Variants in STYXL1 observed in about 807,000 individuals in gnomAD.
STYXL1 encodes serine/threonine/tyrosine-interacting-like protein 1.
A neutral mutation model predicts 36.4 loss-of-function variants in STYXL1; 32 were observed. The observed-to-expected ratio is 0.88, with a 90% confidence interval of 0.66 to 1.18. The LOEUF is 1.18. Ranked by LOEUF, STYXL1 falls within the 50% of genes most tolerant of loss-of-function variation. STYXL1 has a pLI of 0.00. For missense variants in STYXL1, 354 were observed against 394.1 expected (o/e 0.90, Z 0.86); for synonymous variants, 133 against 144.1 (o/e 0.92, Z 0.55).
Position 76,021,928 on chromosome 7 carries a change from T to C in STYXL1, c.230A>G (p.Tyr77Cys), listed in dbSNP as rs1794125582. 5 of 1,613,312 alleles carry C rather than the reference T, an allele frequency of 3.1e-6. No homozygotes were observed. The highest frequency in any genetic ancestry group is 3.4e-6 in the Non-Finnish European group (4 of 1,180,008). ...DLECVKYCVVYDNNSSTLEIL... is the reference protein window; with the variant it reads ...DLECVKYCVVCDNNSSTLEIL... Reference sequence around the variant, plus strand: ...CTCCAGGGTGCTGCTGTTGTTATCATACACCACGCAGTACTTCACACACTC... The same window carrying C: ...CTCCAGGGTGCTGCTGTTGTTATCACACACCACGCAGTACTTCACACACTC... The change falls in exon 4 of 9, where the codon TAT becomes TGT. Residue 77 changes from tyrosine to cysteine, a missense_variant. By Grantham distance (194) the Tyr-to-Cys change is radical. Coordinates refer to ENST00000359697, the MANE Select transcript of STYXL1 (RefSeq NM_001317785.2).
intron 1 of STYXL1, among the ~76,000 whole-genome samples, chr7:76,046,715 C>T (rs1293802043): frequency 7.1e-6 from 1 of 139,916 alleles, no homozygotes. Flanking sequence ...GGGGTTATCT[C>T]GGCTCACTGC....
Position 76,047,801 on chromosome 7 carries a change from TGGG to T in STYXL1, c.-147_-145del. ...CAGGCTCCCTGTCGGAGCCTCTGCC[TGGG>T]GCCCCACCTGGAAAAATGGCTCCTC... On this transcript the variant is annotated 5_prime_UTR_variant, in exon 1 of 9. Coordinates refer to ENST00000359697, the MANE Select transcript of STYXL1 (RefSeq NM_001317785.2). 2.6e-6 allele frequency: 2 copies of T among 772,130 alleles called. No homozygotes were observed. The highest frequency in any genetic ancestry group is 1.9e-5 in the African/African-American group (1 of 52,806). The allele number at this position is 772,130 out of a possible 1,614,324, so 47.8% of individuals were successfully genotyped here. A position where few individuals can be genotyped will look rare whatever the true frequency, so the allele number is the denominator to read the frequency against.
At chr7:76,010,094 G>T (rs901190935) in intron 5 of STYXL1, among the ~76,000 whole-genome samples, 1 of 152,144 alleles carries the variant, frequency 6.6e-6, no homozygotes, top group African/African-American at 2.4e-5. Flanking sequence ...TATCAGCAGC[G>T]TAGGGTTTGC....
intron 1 of STYXL1, chr7:76,044,092 T>A (rs1796730312): frequency 6.6e-6 from 1 of 152,204 alleles, no homozygotes; most frequent in African/African-American, 2.4e-5. Flanking sequence ...CAGCAGCCAA[T>A]AAGACTGTTG....
intron 3 of STYXL1, among the ~76,000 whole-genome samples, chr7:76,024,343 G>T (rs1374526797): frequency 2.0e-5 from 3 of 152,180 alleles, no homozygotes; most frequent in Non-Finnish European, 4.4e-5. Context: ...ATCAGGCCAG[G>T]CCTGGTGGCT....
At chr7:76,034,634 C>T (rs1486133414) in intron 1 of STYXL1, among the ~76,000 whole-genome samples, 8 of 152,216 alleles carry the variant, frequency 5.3e-5, no homozygotes, top group African/African-American at 1.7e-4. Flanking sequence ...AACCTTGACA[C>T]CACTGACGTC....
intron 4 of STYXL1, among the ~76,000 whole-genome samples, chr7:76,015,717 G>T (rs976299846): frequency 6.6e-6 from 1 of 152,322 alleles, no homozygotes; most frequent in Middle Eastern, 3.4e-3. Flanking sequence ...AACTTGATTG[G>T]GTTGAAGGAT....
intron 1 of STYXL1, among the ~76,000 whole-genome samples, chr7:76,042,544 C>T (rs528245504): frequency 1.8e-4 from 27 of 151,618 alleles, no homozygotes; most frequent in African/African-American, 6.0e-4. Context: ...GCTAGGTCTA[C>T]AGGCACGCAC....
In STYXL1 at chr7:76,021,868, G is replaced by A. The variant is rs1554576307; in HGVS notation, c.290C>T (p.Ser97Phe). The change falls in exon 4 of 9, where the codon TCT (serine) becomes TTT (phenylalanine). Residue 97 changes from serine (S) to phenylalanine (F), a missense_variant. Coordinates refer to ENST00000359697, the MANE Select transcript of STYXL1 (RefSeq NM_001317785.2). ...LLKDDDDDSD[S>F]DGDGKDLVPQ... ...AAACCCACCTTTGCCATCACCATCA[G>A]AGTCTGAATCATCATCATCATCTTT... 2.5e-6 allele frequency: 4 copies of A among 1,612,648 alleles called. No individual in the cohort carries two copies. The highest frequency in any genetic ancestry group is 2.2e-5 in the East Asian group (1 of 44,872).
chr7:76,030,335 AC>A, intron 2 of STYXL1, 85 bp downstream of exon 2: 2 of 817,790 alleles, frequency 2.4e-6, no homozygotes, highest in Non-Finnish European at 2.0e-6. Context: ...ACTGCCCCCC[AC>A]CCCGCCAAAA....
intron 1 of STYXL1, among the ~76,000 whole-genome samples, chr7:76,035,509 T>C (rs1470614137): frequency 6.7e-6 from 1 of 149,768 alleles, no homozygotes; most frequent in East Asian, 1.9e-4. Context: ...TATTGTCAGT[T>C]ACCATTATGG....
chr7:76,017,007 G>GTATT (rs1240368400), intron 4 of STYXL1, among the ~76,000 whole-genome samples: 14 of 152,028 alleles, frequency 9.2e-5, no homozygotes, highest in African/African-American at 1.9e-4. Context: ...ACAACGGATT[G>GTATT]TATTTATTTA....
chr7:76,003,006 G>A (rs1170565712), intron 7 of STYXL1, among the ~76,000 whole-genome samples: 3 of 152,334 alleles, frequency 2.0e-5, no homozygotes, highest in South Asian at 2.1e-4. Context: ...GCCAGGAGCT[G>A]TTGGTGCCAG....
intron 1 of STYXL1, among the ~76,000 whole-genome samples, chr7:76,046,348 G>A (rs1266216603): frequency 0.012 from 768 of 63,608 alleles, 42 homozygotes; most frequent in Admixed American, 0.11. Context: ...GTGCGCGCGC[G>A]CGCGCGCGCG....
rs141867420 is a variant in STYXL1 at position 75,997,796 on chromosome 7, A to T, written c.811-1197T>A. On this transcript the variant is annotated intron_variant, in intron 8 of 8. Transcript: ENST00000359697. ...GATACAAAACCAACATGCAAAAATT[A>T]GTTGCATGTCTATATACTAAACAAT... is the stretch of plus-strand genomic sequence containing the variant. Among the ~76,000 whole-genome samples the T allele has an allele frequency of 2.5e-3, 382 of 152,348 alleles. 2 individuals carry two copies. The highest frequency in any genetic ancestry group is 8.8e-3 in the African/African-American group (367 of 41,576).
At chr7:76,020,574 A>G (rs1793941913) in intron 4 of STYXL1, among the ~76,000 whole-genome samples, 1 of 152,188 alleles carries the variant, frequency 6.6e-6, no homozygotes, top group African/African-American at 2.4e-5. Flanking sequence ...CTGGGTTTGA[A>G]TCCTGGCCCC....
intron 3 of STYXL1, among the ~76,000 whole-genome samples, chr7:76,022,575 G>A (rs1554576556): frequency 6.6e-6 from 1 of 152,130 alleles, no homozygotes; most frequent in Non-Finnish European, 1.5e-5. Flanking sequence ...TGAAGTGGAC[G>A]GATCACTTGA....
intron 5 of STYXL1, among the ~76,000 whole-genome samples, chr7:76,007,638 T>C (rs1554570878): frequency 6.6e-6 from 1 of 151,750 alleles, no homozygotes. Flanking sequence ...TTCAAAGAAG[T>C]TGGGCACAGT....
chr7:76,016,778 C>A (rs891531047), intron 4 of STYXL1, among the ~76,000 whole-genome samples: 7 of 152,100 alleles, frequency 4.6e-5, no homozygotes, highest in African/African-American at 1.7e-4. Flanking sequence ...CACTTACATA[C>A]TGTTGGTGGG....
Sources: gnomAD v4.1 joint callset for allele counts (sites outside exome capture counted in the v4.1 genomes callset) on GRCh38, gnomAD v4.1.1 for gene constraint, MANE v1.5 for transcripts, NCBI Gene and HGNC (gene_info 2026-07-23, HGNC 2026-07-21) for gene names.